CHST9: variants seen among roughly 807,000 people sequenced by gnomAD.
CHST9 encodes the protein carbohydrate sulfotransferase 9.
CHST9 carries 41 observed loss-of-function variants against 44.4 expected under a neutral mutation model. The observed-to-expected ratio is 0.92, with a 90% CI of 0.72 to 1.20. The LOEUF (loss-of-function observed/expected upper bound fraction) is 1.20, where lower values mean the gene tolerates loss of function less well. CHST9 is among the 50% of genes most tolerant of loss of function. The probability of loss-of-function intolerance (pLI) is 0.00; values close to 1 mark genes in which losing one functional copy is unlikely to be tolerated. For missense variants in CHST9, 504 were observed against 516.5 expected, an observed-to-expected ratio of 0.98 and a Z score of 0.23; for synonymous variants, 171 against 178.4, an observed-to-expected ratio of 0.96 and a Z score of 0.33.
intron 2 of CHST9, among the ~76,000 whole-genome samples, chr18:27,064,222 T>A (rs1441084479): frequency 1.3e-5 from 2 of 151,318 alleles, no homozygotes; most frequent in Non-Finnish European, 2.9e-5. Context: ...TGAAGAAAAA[T>A]GTTACAAAAT....
At chr18:27,053,274 G>GAAAA (rs2057606274) in intron 2 of CHST9, among the ~76,000 whole-genome samples, 3 of 52,688 alleles carry the variant, frequency 5.7e-5, no homozygotes, top group Non-Finnish European at 1.3e-4. Context: ...GAAGGAGAAG[G>GAAAA]AGAAGGAGAA....
At chr18:27,032,328 CAG>C (rs1315723237) in intron 3 of CHST9, among the ~76,000 whole-genome samples, 1 of 152,168 alleles carries the variant, frequency 6.6e-6, no homozygotes, top group African/African-American at 2.4e-5. Context: ...TCAAAACACA[CAG>C]AGACATACAC....
intron 5 of CHST9, among the ~76,000 whole-genome samples, chr18:26,937,807 TTAA>T (rs1441977981): frequency 1.3e-5 from 2 of 152,182 alleles, no homozygotes; most frequent in South Asian, 2.1e-4. Context: ...TGTCAAGCAT[TTAA>T]TAATAATACC....
chr18:27,139,628 G>T (rs8093446), intron 2 of CHST9, among the ~76,000 whole-genome samples: 134,268 of 152,072 alleles, frequency 0.88, 59,583 homozygotes, highest in African/African-American at 0.97. Flanking sequence ...ACAGTTTTTC[G>T]TCAGAGAAAT....
In CHST9 at chr18:26,911,144, C is replaced by G. The variant is rs2055434467; in HGVS notation, c.*5115G>C. On this transcript the variant is annotated 3_prime_UTR_variant, in exon 6 of 6. Coordinates refer to ENST00000618847, the MANE Select transcript of CHST9 (RefSeq NM_031422.6). ...TGGTCCTATAGATGCCTGAAGGTCA[C>G]AGGCAGAAATATACGAATTCTACAC... The G allele has an allele frequency of 1.3e-5, 2 of 152,274 alleles. No individual in the cohort carries two copies. The highest frequency in any genetic ancestry group is 2.4e-5 in the African/African-American group (1 of 41,566). 9.4% of individuals were successfully genotyped at this position (152,274 alleles called of 1,614,324 possible). A position where few individuals can be genotyped will look rare whatever the true frequency, so the allele number is the denominator to read the frequency against.
chr18:27,052,971 T>G (rs1294615735), intron 2 of CHST9, among the ~76,000 whole-genome samples: 2 of 151,508 alleles, frequency 1.3e-5, no homozygotes, highest in Admixed American at 6.6e-5. Context: ...ACCTAGTGCA[T>G]GCAGGGCTTA....
At chr18:27,078,046 G>A (rs2057923092) in intron 2 of CHST9, among the ~76,000 whole-genome samples, 1 of 152,052 alleles carries the variant, frequency 6.6e-6, no homozygotes, top group South Asian at 2.1e-4. Flanking sequence ...AACAGCAAGG[G>A]GGAAGTCTGA....
rs35249332 is a variant in CHST9 at position 27,112,578 on chromosome 18, C to CGTGTGTGTGT, written c.121+30101_121+30110dup. Among the ~76,000 whole-genome samples, 360 of 140,528 alleles carry CGTGTGTGTGT rather than the reference C, an allele frequency of 2.6e-3. 4 individuals carry two copies. The highest frequency in any genetic ancestry group is 9.1e-3 in the African/African-American group (340 of 37,174). The allele number at this position is 140,528 out of a possible 152,430, so 92.2% of individuals were successfully genotyped here. On this transcript the variant is annotated intron_variant, in intron 2 of 5. Transcript: ENST00000618847. ...AGGATTTTAGATTAGGGATATTCAA[C>CGTGTGTGTGT]GTGTGTGTGTGTGTGTGTGTGTGTG...
intron 2 of CHST9, among the ~76,000 whole-genome samples, chr18:27,135,594 G>A (rs956560461): frequency 1.3e-5 from 2 of 152,110 alleles, no homozygotes; most frequent in Non-Finnish European, 2.9e-5. Context: ...CTGGGTCAGT[G>A]GTTCATAACC....
chr18:27,125,982 T>C (rs960466227), intron 2 of CHST9, among the ~76,000 whole-genome samples: 2 of 152,338 alleles, frequency 1.3e-5, no homozygotes, highest in East Asian at 3.9e-4. Flanking sequence ...CTAATCTGAA[T>C]AGTAAATTGT....
chr18:26,986,319 A>G (rs923550228), intron 4 of CHST9, among the ~76,000 whole-genome samples: 1 of 152,132 alleles, frequency 6.6e-6, no homozygotes, highest in South Asian at 2.1e-4. Flanking sequence ...AAAGAATTAT[A>G]CGGGATATGA....
At chr18:27,151,422 C>T (rs886267517) in intron 1 of CHST9, among the ~76,000 whole-genome samples, 1 of 152,126 alleles carries the variant, frequency 6.6e-6, no homozygotes, top group Admixed American at 6.6e-5. Context: ...AGGAATTTGA[C>T]AATGGTGTAT....
chr18:27,179,101 T>TCC (rs1358892202), intron 1 of CHST9, among the ~76,000 whole-genome samples: 6 of 132,948 alleles, frequency 4.5e-5, no homozygotes, highest in Non-Finnish European at 1.0e-4. Flanking sequence ...TCTCTCTCTC[T>TCC]CTCTATATAT....
chr18:27,098,199 A>T (rs1050299621), intron 2 of CHST9, among the ~76,000 whole-genome samples: 2 of 146,786 alleles, frequency 1.4e-5, no homozygotes, highest in East Asian at 2.0e-4. Flanking sequence ...AAAAAACATT[A>T]AAAAAAAAAG....
chr18:26,996,763 T>A (rs1205041806), intron 4 of CHST9, among the ~76,000 whole-genome samples: 1 of 152,208 alleles, frequency 6.6e-6, no homozygotes, highest in Non-Finnish European at 1.5e-5. Context: ...GTGAAATGCA[T>A]GGCTGTGTGC....
intron 4 of CHST9, among the ~76,000 whole-genome samples, chr18:26,991,865 T>A (rs1420263936): frequency 7.9e-6 from 1 of 126,650 alleles, no homozygotes; most frequent in Admixed American, 8.8e-5. Context: ...GAAGTGAAAG[T>A]CCCTGTGGAA....
chr18:27,145,713 C>T (rs955052635), intron 1 of CHST9, among the ~76,000 whole-genome samples: 17 of 152,160 alleles, frequency 1.1e-4, no homozygotes, highest in Non-Finnish European at 8.8e-5. Context: ...TATTATCATA[C>T]TGCTTATTTG....
chr18:27,109,578 G>GT (rs1321293614), intron 2 of CHST9, among the ~76,000 whole-genome samples: 21 of 152,192 alleles, frequency 1.4e-4, no homozygotes, highest in African/African-American at 4.6e-4. Context: ...CAGTCCCAAT[G>GT]TAGCTGCGAC....
chr18:27,085,160 T>C (rs1046680124), intron 2 of CHST9, among the ~76,000 whole-genome samples: 1 of 151,842 alleles, frequency 6.6e-6, no homozygotes, highest in African/African-American at 2.4e-5. Context: ...GTTGCACCTA[T>C]CATATCCAAG....
Sources: allele counts gnomAD v4.1 joint callset (sites outside exome capture counted in the v4.1 genomes callset), GRCh38; gene constraint gnomAD v4.1.1; transcripts MANE v1.5; gene names NCBI Gene and HGNC (gene_info 2026-07-23, HGNC 2026-07-21).